KMT5A: variants seen among roughly 807,000 people sequenced by gnomAD.
KMT5A encodes lysine methyltransferase 5A.
In KMT5A, 6 loss-of-function variants were observed where a neutral mutation model predicts 40.6. The ratio of observed to expected loss-of-function variants is 0.15; its 90% CI spans 0.08 to 0.29. The LOEUF is 0.29. Ranked by LOEUF, KMT5A falls within the 10% of genes least tolerant of loss-of-function variation. The pLI is 1.00. For synonymous variants in KMT5A, 153 were observed against 178.8 expected (o/e 0.86, Z 1.15); for missense variants, 308 against 459.1 (o/e 0.67, Z 3.01).
Position 123,407,874 on chromosome 12 carries a change from A to C in KMT5A, c.*171A>C, listed in dbSNP as rs1878674427. 3.3e-6 allele frequency: 2 copies of C among 600,058 alleles called. No individual in the cohort carries two copies. Among genetic ancestry groups the C allele is most frequent in the Non-Finnish European group, 5.9e-6 (2 of 338,674 alleles). The allele number at this position is 600,058 out of a possible 1,614,324, so 37.2% of individuals were successfully genotyped here. A position where few individuals can be genotyped will look rare whatever the true frequency, so the allele number is the denominator to read the frequency against. The stretch of plus-strand genomic sequence containing the variant: ...ACTGTAGTATTTAAATATCTGTTAC[A>C]GGTTTCCAAGGTGGACTTGAACAGA... On this transcript the variant is annotated 3_prime_UTR_variant, in exon 8 of 8. Coordinates refer to ENST00000402868, the MANE Select transcript of KMT5A (RefSeq NM_020382.7).
chr12:123,390,701 C>A lies in KMT5A; in HGVS notation c.204C>A (p.Phe68Leu). 1 of 1,613,920 alleles carries A rather than the reference C, an allele frequency of 6.2e-7. No homozygotes were observed. ...MSPNKCSGMR[F>L]PLQEENSVTH... ...CGAACAAATGCTCTGGAATGCGTTT[C>A]CCCCTTCAGGAAGAGAACTCAGTTA... The change falls in exon 3 of 8, where the codon TTC becomes TTA. Residue 68 changes from phenylalanine (F) to leucine (L), a missense_variant. Physicochemically the swap from Phe to Leu is conservative, Grantham distance 22. This residue lies in a region of KMT5A where 12 missense variants were observed against 31.1 expected (regional missense o/e 0.39). Transcript: ENST00000402868.
At chr12:123,392,393 C>T (rs1200163536) in intron 3 of KMT5A, among the ~76,000 whole-genome samples, 1 of 152,030 alleles carries the variant, frequency 6.6e-6, no homozygotes, top group African/African-American at 2.4e-5. Flanking sequence ...CATGGTGGCT[C>T]GGGTTTGTAA....
In KMT5A at chr12:123,390,641, T is replaced by C; in HGVS notation, c.144T>C (p.Phe48=). 6.2e-7 allele frequency: 1 copy of C among 1,613,902 alleles called. No individual in the cohort carries two copies. The highest frequency in any genetic ancestry group is 8.5e-7 in the Non-Finnish European group (1 of 1,179,830). Residue 48 remains phenylalanine (F), a synonymous_variant, in exon 3 of 8, where the codon TTT becomes TTC. Coordinates refer to ENST00000402868, the MANE Select transcript of KMT5A (RefSeq NM_020382.7). The part of the protein sequence containing the change: ...GRPRTDGENV[F]TGQSKIYSYM... ...TTTTGTCTTTTTAGGAGAACGTATT[T>C]ACCGGGCAGTCAAAGATCTATTCCT...
chr12:123,407,057 G>GCCAGA (rs1878610170), intron 7 of KMT5A, among the ~76,000 whole-genome samples: 1 of 140,914 alleles, frequency 7.1e-6, no homozygotes, highest in African/African-American at 2.6e-5. Context: ...TGCAAATTGA[G>GCCAGA]CCAGACCTGG....
intron 3 of KMT5A, among the ~76,000 whole-genome samples, chr12:123,392,812 A>G (rs1332758332): frequency 1.3e-5 from 2 of 152,192 alleles, no homozygotes; most frequent in African/African-American, 2.4e-5. Context: ...CCTGGCTTTA[A>G]TTCTCTCTGA....
chr12:123,397,663 C>CT (rs63687963), intron 5 of KMT5A, among the ~76,000 whole-genome samples: 1,308 of 79,480 alleles, frequency 0.016, 56 homozygotes, highest in African/African-American at 0.053. Context: ...TGCTAGGTCA[C>CT]TTTTTTTTTT....
At chr12:123,404,758 G>T in intron 6 of KMT5A, 126 bp from the exon 7 acceptor site, 1 of 908,434 alleles carries the variant, frequency 1.1e-6, no homozygotes, top group Non-Finnish European at 1.7e-6. Flanking sequence ...TAAAGTGAGT[G>T]AATTTTATGA....
chr12:123,407,018 CAAAAAAAAAAA>C (rs56732264), intron 7 of KMT5A, among the ~76,000 whole-genome samples: 1 of 28,506 alleles, frequency 3.5e-5, no homozygotes, highest in Non-Finnish European at 6.2e-5. Flanking sequence ...GACTCCCTCT[CAAAAAAAAAAA>C]AAAAAAAAAA....
chr12:123,396,309 C>G, intron 4 of KMT5A, 36 bp from the exon 5 acceptor site: 1 of 1,605,052 alleles, frequency 6.2e-7, no homozygotes, highest in Non-Finnish European at 8.5e-7. Context: ...GTTTTCAGTC[C>G]TGATATTTAT....
intron 7 of KMT5A, among the ~76,000 whole-genome samples, chr12:123,407,266 G>A (rs1268983161): frequency 3.3e-5 from 5 of 151,876 alleles, no homozygotes; most frequent in African/African-American, 1.2e-4. Flanking sequence ...TTGAGCCCGG[G>A]AGGTGGAGGC....
Position 123,391,297 on chromosome 12 carries a change from C to T in KMT5A, c.289+511C>T, listed in dbSNP as rs530384269. 9 of 155,068 alleles carry T rather than the reference C, an allele frequency of 5.8e-5. No homozygotes were observed. The East Asian group carries it at 1.1e-3, about 20-fold the overall frequency. 9.6% of individuals were successfully genotyped at this position (155,068 alleles called of 1,614,324 possible). A position where few individuals can be genotyped will look rare whatever the true frequency, so the allele number is the denominator to read the frequency against. Reference sequence around the variant, plus strand: ...GCAACCTCCGCCTCCTGGGCTCAAGCGATTCTTCTGCTGCAGCCTCCTGAG... The same window carrying T: ...GCAACCTCCGCCTCCTGGGCTCAAGTGATTCTTCTGCTGCAGCCTCCTGAG... On this transcript the variant is annotated intron_variant, in intron 3 of 7. Transcript: ENST00000402868.
chr12:123,389,711 C>G (rs1169564034), intron 2 of KMT5A, among the ~76,000 whole-genome samples, 157 bp downstream of exon 2: 10 of 151,994 alleles, frequency 6.6e-5, no homozygotes, highest in Non-Finnish European at 1.5e-4. Flanking sequence ...CCGCCATGAG[C>G]CTGGCGGTGT....
chr12:123,388,914 C>T (rs898702477), intron 1 of KMT5A: 1 of 146,364 alleles, frequency 6.8e-6, no homozygotes, highest in Non-Finnish European at 1.5e-5. Flanking sequence ...CCCTACCAGC[C>T]CCCTCCCCGG....
rs546344002 is a variant in KMT5A, at chr12:123,392,154, C to T, written c.289+1368C>T. On this transcript the variant is annotated intron_variant, in intron 3 of 7. Transcript: ENST00000402868. ...CTTTGTGGTGGACTCCATGTGCCAG[C>T]TCTTCACCCCTGGACTGCCAGCTCA... is the stretch of plus-strand genomic sequence containing the variant. Among the ~76,000 whole-genome samples, 4 of 152,292 alleles carry T rather than the reference C, an allele frequency of 2.6e-5. No homozygotes were observed. In the South Asian group the frequency reaches 8.3e-4, roughly 32 times the overall value.
At chr12:123,394,086 T>C (rs1249774536) in intron 3 of KMT5A, among the ~76,000 whole-genome samples, 4 of 144,456 alleles carry the variant, frequency 2.8e-5, no homozygotes, top group Non-Finnish European at 5.9e-5. Context: ...CAGCGTACTA[T>C]TTACTTAATT....
chr12:123,403,471 C>T, intron 5 of KMT5A, 102 bp from the exon 6 acceptor site: 1 of 1,284,132 alleles, frequency 7.8e-7, no homozygotes, highest in Non-Finnish European at 1.1e-6. Flanking sequence ...CCGATTGTGG[C>T]CCGGTGGGCA....
At chr12:123,399,535 G>A (rs1422628691) in intron 5 of KMT5A, among the ~76,000 whole-genome samples, 3 of 152,180 alleles carry the variant, frequency 2.0e-5, no homozygotes, top group Admixed American at 2.0e-4. Context: ...ATGGGCCCCC[G>A]TACTTCTCAG....
At chr12:123,401,144 C>CTTTTTTTTTTTTTTTTTT (rs58431238) in intron 5 of KMT5A, among the ~76,000 whole-genome samples, 1 of 75,680 alleles carries the variant, frequency 1.3e-5, no homozygotes, top group East Asian at 4.3e-4. Flanking sequence ...ATATATCTTT[C>CTTTTTTTTTTTTTTTTTT]TTTTTTTTTT....
chr12:123,389,434 C>A lies in KMT5A; in HGVS notation c.12C>A (p.Gly4=). 1 of 1,073,296 alleles carries A rather than the reference C, an allele frequency of 9.3e-7. No homozygotes were observed. The highest frequency in any genetic ancestry group is 1.1e-6 in the Non-Finnish European group (1 of 890,226). 66.5% of individuals were successfully genotyped at this position (1,073,296 alleles called of 1,614,324 possible). A position where few individuals can be genotyped will look rare whatever the true frequency, so the allele number is the denominator to read the frequency against. The change falls in exon 2 of 8, where the codon GGC becomes GGA. Residue 4 remains glycine (G), a splice_region_variant and synonymous_variant. Transcript: ENST00000402868. ...CTTCCCCCGGGTCCCCTTCTCCAGG[C>A]AGGAAGATGTCCAAGCCCCGCGCGG... MAR[G]RKMSKPRAVE...
Sources: allele counts gnomAD v4.1 joint callset (sites outside exome capture counted in the v4.1 genomes callset), GRCh38; gene constraint gnomAD v4.1.1; regional missense constraint gnomAD v4.1.1; transcripts MANE v1.5; gene names NCBI Gene and HGNC (gene_info 2026-07-23, HGNC 2026-07-21).